The following CRB1 variants were observed in gnomAD, a reference collection of about 807,000 sequenced individuals.
CRB1 encodes protein crumbs homolog 1.
CRB1 carries 83 observed loss-of-function variants against 120.0 expected under a neutral mutation model. That is an observed-to-expected ratio of 0.69 (90% confidence interval 0.58 to 0.83). CRB1 has a LOEUF of 0.83. Among genes scored for constraint, CRB1 ranks in the 40% least tolerant of loss-of-function variants. The probability of loss-of-function intolerance (pLI) is 0.00; values close to 1 mark genes in which losing one functional copy is unlikely to be tolerated. For missense variants in CRB1, 1,699 were observed against 1,687.6 expected (o/e 1.01, Z -0.12); for synonymous variants, 625 against 612.5 (o/e 1.02, Z -0.30).
chr1:197,463,449 T>C (rs1666617764), intron 11 of CRB1, among the ~76,000 whole-genome samples: 1 of 152,172 alleles, frequency 6.6e-6, no homozygotes, highest in Non-Finnish European at 1.5e-5. Flanking sequence ...GTAAGAGACC[T>C]GAAATATAAA....
At chr1:197,315,784 G>C (rs879585448) in intron 1 of CRB1, among the ~76,000 whole-genome samples, 5 of 152,182 alleles carry the variant, frequency 3.3e-5, no homozygotes, top group Non-Finnish European at 7.4e-5. Context: ...GTGACTAGAT[G>C]CATTTTTATT....
intron 5 of CRB1, among the ~76,000 whole-genome samples, chr1:197,385,418 A>G (rs1451540580): frequency 6.6e-6 from 1 of 152,224 alleles, no homozygotes; most frequent in South Asian, 2.1e-4. Context: ...ATGTAAGAAT[A>G]TATGTCTAAT....
intron 1 of CRB1, chr1:197,304,267 T>C (rs553537173): frequency 7.1e-6 from 2 of 281,436 alleles, no homozygotes; most frequent in African/African-American, 4.6e-5. Flanking sequence ...GTCTAATTTT[T>C]TAACATAAGT....
At chr1:197,342,507 T>A (rs770028787) in intron 2 of CRB1, among the ~76,000 whole-genome samples, 30 of 152,240 alleles carry the variant, frequency 2.0e-4, no homozygotes, top group Non-Finnish European at 4.0e-4. Flanking sequence ...ATTTATTACC[T>A]AATTTTAGCT....
At chr1:197,432,711 G>A (rs530006452) in intron 8 of CRB1, among the ~76,000 whole-genome samples, 9 of 152,202 alleles carry the variant, frequency 5.9e-5, no homozygotes, top group Admixed American at 2.0e-4. Flanking sequence ...ACAAATAAAC[G>A]TAATTTTAAG....
the CRB1 span, among the ~76,000 whole-genome samples, chr1:197,241,576 C>G: frequency 1.3e-5 from 2 of 152,144 alleles, no homozygotes; most frequent in African/African-American, 4.8e-5. Context: ...GTTTTGGTAC[C>G]AGTACCATGC....
In CRB1 at chr1:197,477,818, AG is replaced by A; in HGVS notation, c.4163del (p.Gly1388AlafsTer9). The A allele has an allele frequency of 6.2e-7, 1 of 1,613,910 alleles. No individual in the cohort carries two copies. Among genetic ancestry groups the A allele is most frequent in the Non-Finnish European group, 8.5e-7 (1 of 1,179,878 alleles). On this transcript the variant is annotated frameshift_variant, in exon 12 of 12. Transcript: ENST00000367400. LOFTEE classifies it high-confidence loss of function. The stretch of plus-strand genomic sequence containing the variant: ...TACAGCCCCAGCCGTCAGGAGAAGG[AG>A]GGCTCCCGAGTGGAAATGTGGAACT... ...GTYSPSRQEK[E>X]GSRVEMWNLM...
rs183752340 is a variant in CRB1, at chr1:197,471,044, G to A, written c.4006-6620G>A. On this transcript the variant is annotated intron_variant, in intron 11 of 11. Transcript: ENST00000367400. ...TTTTTTTTTCTCATTTATCTCCAAT[G>A]TGTCCACAGGAAATTTCCACAGTAG... 5.8e-4 allele frequency among the ~76,000 whole-genome samples: 88 copies of A among 151,226 alleles called. 1 individual carries two copies. Among genetic ancestry groups the A allele is most frequent in the Admixed American group, 5.7e-3 (87 of 15,180 alleles).
At chr1:197,206,702 A>G in the CRB1 span, among the ~76,000 whole-genome samples, 18 of 151,982 alleles carry the variant, frequency 1.2e-4, no homozygotes, top group Non-Finnish European at 7.4e-5. Context: ...TGCTGATGAT[A>G]TATTCTGTAG....
At chr1:197,330,609 A>G (rs1658792303) in intron 2 of CRB1, among the ~76,000 whole-genome samples, 1 of 152,168 alleles carries the variant, frequency 6.6e-6, no homozygotes, top group Non-Finnish European at 1.5e-5. Context: ...AAGTTCTGCT[A>G]TACTTTTTAA....
rs574874966 is a variant in CRB1, at chr1:197,434,958, G to A, written c.3095G>A (p.Gly1032Asp). ...ACAAGTTTGCAGTCAGTGAATGATGGCACATGGCACGAAGTGACCCTTTCC... is the reference window on the plus strand; with the variant it reads ...ACAAGTTTGCAGTCAGTGAATGATGACACATGGCACGAAGTGACCCTTTCC... ...SLTSLQSVNDGTWHEVTLSMT... is the reference protein window; with the variant it reads ...SLTSLQSVNDDTWHEVTLSMT... Residue 1032 changes from glycine (G) to aspartate (D), a missense_variant, in exon 9 of 12, where the codon GGC becomes GAC. By Grantham distance (94) the Gly-to-Asp change is moderately conservative. Transcript: ENST00000367400. 5.0e-6 allele frequency: 8 copies of A among 1,613,922 alleles called. No individual in the cohort carries two copies. Among genetic ancestry groups the A allele is most frequent in the South Asian group, 3.3e-5 (3 of 91,086 alleles).
chr1:197,406,651 C>A (rs970288280), intron 5 of CRB1, among the ~76,000 whole-genome samples: 14 of 152,188 alleles, frequency 9.2e-5, no homozygotes, highest in Middle Eastern at 3.4e-3. Flanking sequence ...TTTATATTTA[C>A]AAAATGAATG....
Position 197,421,071 on chromosome 1 carries a change from T to A in CRB1, c.1243T>A (p.Leu415Met), listed in dbSNP as rs772721800. The change falls in exon 6 of 12, where the codon TTG becomes ATG. Residue 415 changes from leucine to methionine, a missense_variant. Coordinates refer to ENST00000367400, the MANE Select transcript of CRB1 (RefSeq NM_201253.3). ...PCQNGGTCEN[L>M]PGNYTCHCPF... Reference sequence around the variant, plus strand: ...CCAAAATGGTGGTACTTGTGAGAACTTGCCTGGGAATTATACTTGCCATTG... The same window carrying A: ...CCAAAATGGTGGTACTTGTGAGAACATGCCTGGGAATTATACTTGCCATTG... 9 of 1,614,258 alleles carry A rather than the reference T, an allele frequency of 5.6e-6. No individual in the cohort carries two copies. Among genetic ancestry groups the A allele is most frequent in the Non-Finnish European group, 4.2e-6 (5 of 1,180,058 alleles).
At chr1:197,391,506 CAGA>C (rs1412983605) in intron 5 of CRB1, among the ~76,000 whole-genome samples, 2 of 152,078 alleles carry the variant, frequency 1.3e-5, no homozygotes, top group African/African-American at 4.8e-5. Context: ...ATGATTACAT[CAGA>C]AGAAGTTCAA....
chr1:197,422,440 C>T (rs1447261845), intron 6 of CRB1, among the ~76,000 whole-genome samples: 1 of 151,300 alleles, frequency 6.6e-6, no homozygotes, highest in Non-Finnish European at 1.5e-5. Context: ...ACTTGCTCCA[C>T]AATCATAATT....
intron 4 of CRB1, among the ~76,000 whole-genome samples, chr1:197,353,598 C>G (rs181532211): frequency 4.6e-5 from 7 of 151,828 alleles, no homozygotes; most frequent in South Asian, 2.1e-4. Flanking sequence ...GTCAGGAGCT[C>G]GAGACTAGAC....
chr1:197,327,097 A>C (rs1180044987), intron 1 of CRB1, among the ~76,000 whole-genome samples: 2 of 40,698 alleles, frequency 4.9e-5, no homozygotes, highest in Non-Finnish European at 8.7e-5. Context: ...ACACCAAAAA[A>C]AAAAAAAAAA....
intron 11 of CRB1, among the ~76,000 whole-genome samples, chr1:197,456,102 C>G (rs548248515): frequency 6.6e-6 from 1 of 152,014 alleles, no homozygotes; most frequent in African/African-American, 2.4e-5. Context: ...TTTGATAATC[C>G]TATGCTGATA....
the CRB1 span, among the ~76,000 whole-genome samples, chr1:197,258,557 C>A: frequency 6.6e-6 from 1 of 152,176 alleles, no homozygotes; most frequent in African/African-American, 2.4e-5. Flanking sequence ...CACTTTCCTG[C>A]AGCATTACCA....
Sources: gnomAD v4.1 joint callset for allele counts (sites outside exome capture counted in the v4.1 genomes callset) on GRCh38, gnomAD v4.1.1 for gene constraint, MANE v1.5 for transcripts, NCBI Gene and HGNC (gene_info 2026-07-23, HGNC 2026-07-21) for gene names.